Variants in HS3ST3B1 observed in about 807,000 individuals in gnomAD.
The protein encoded by HS3ST3B1 is heparan sulfate glucosamine 3-O-sulfotransferase 3B1.
In HS3ST3B1, 13 loss-of-function variants were observed where a neutral mutation model predicts 21.3. The ratio of observed to expected loss-of-function variants is 0.61; its 90% CI spans 0.40 to 0.97. HS3ST3B1 has a LOEUF of 0.97. HS3ST3B1 is among the 50% of genes least tolerant of loss of function. The probability of loss-of-function intolerance (pLI) is 0.00; values close to 1 mark genes in which losing one functional copy is unlikely to be tolerated. For missense variants in HS3ST3B1, 459 were observed against 554.8 expected (o/e 0.83, Z 1.73); for synonymous variants, 234 against 254.8 (o/e 0.92, Z 0.78).
At chr17:14,322,880 C>T (rs542928323) in intron 1 of HS3ST3B1, among the ~76,000 whole-genome samples, 3 of 144,732 alleles carry the variant, frequency 2.1e-5, no homozygotes, top group South Asian at 2.2e-4. Flanking sequence ...AGTTGAGAAG[C>T]GAGATTTGTG....
Position 14,346,583 on chromosome 17 carries a change from T to C in HS3ST3B1, c.*937T>C, listed in dbSNP as rs8078587. 107,691 of 152,196 alleles carry C rather than the reference T, an allele frequency of 0.71. 38,480 individuals are homozygous for C. Among genetic ancestry groups the C allele is most frequent in the East Asian group, 0.91 (4,709 of 5,162 alleles). 9.4% of individuals were successfully genotyped at this position (152,196 alleles called of 1,614,324 possible). A position where few individuals can be genotyped will look rare whatever the true frequency, so the allele number is the denominator to read the frequency against. On this transcript the variant is annotated 3_prime_UTR_variant, in exon 2 of 2. Transcript: ENST00000360954. The stretch of plus-strand genomic sequence containing the variant: ...CTTCTAGAGTCAGAATGGTAGGGTC[T>C]GTTGACTTCAGCTTTTGATTTTGCA...
At position 14,313,108 on chromosome 17, in the gene HS3ST3B1, G is replaced by GTGTGTA. The variant is rs770879344; in HGVS notation, c.554+11037_554+11038insGTGTAT. ...GTGTGTGTGTGGTGTGTGTGTGTGTGTATATATATATATATGTGTGTGTGT... is the reference window on the plus strand; with the variant it reads ...GTGTGTGTGTGGTGTGTGTGTGTGTGTGTGTATATATATATATATATGTGTGTGTGT... On this transcript the variant is annotated intron_variant, in intron 1 of 1. Coordinates refer to ENST00000360954, the MANE Select transcript of HS3ST3B1 (RefSeq NM_006041.3). Among the ~76,000 whole-genome samples, 140 of 73,238 alleles carry GTGTGTA rather than the reference G, an allele frequency of 1.9e-3. 1 individual carries two copies. The highest frequency in any genetic ancestry group is 6.6e-3 in the Middle Eastern group (1 of 152). 48.0% of individuals were successfully genotyped at this position (73,238 alleles called of 152,430 possible).
chr17:14,345,894 A>C lies in HS3ST3B1; in HGVS notation c.*248A>C. On this transcript the variant is annotated 3_prime_UTR_variant, in exon 2 of 2. Coordinates refer to ENST00000360954, the MANE Select transcript of HS3ST3B1 (RefSeq NM_006041.3). ...GTGCTTCTATTTTTTCTTCTCCCCT[A>C]CCTGTTATATTTAAAACAAAGAAAA... The C allele has an allele frequency of 2.2e-6, 1 of 464,936 alleles. No individual in the cohort carries two copies. The highest frequency in any genetic ancestry group is 3.7e-6 in the Non-Finnish European group (1 of 272,802). 28.8% of individuals were successfully genotyped at this position (464,936 alleles called of 1,614,324 possible).
intron 1 of HS3ST3B1, among the ~76,000 whole-genome samples, chr17:14,339,836 G>A (rs1910315583): frequency 6.6e-6 from 1 of 152,184 alleles, no homozygotes; most frequent in South Asian, 2.1e-4. Context: ...TTCCATGTGA[G>A]GGGGTCTTAC....
At position 14,347,357 on chromosome 17, in the gene HS3ST3B1, G is replaced by A. The variant is rs978872344; in HGVS notation, c.*1711G>A. 2.0e-5 allele frequency: 3 copies of A among 152,174 alleles called. No individual in the cohort carries two copies. Among genetic ancestry groups the A allele is most frequent in the African/African-American group, 7.2e-5 (3 of 41,438 alleles). 9.4% of individuals were successfully genotyped at this position (152,174 alleles called of 1,614,324 possible). ...TGAGTAGCCATATAGTAATACAGGG[G>A]CAGTTGGTTAAACATATAGCAATAT... is the stretch of plus-strand genomic sequence containing the variant. On this transcript the variant is annotated 3_prime_UTR_variant, in exon 2 of 2. Transcript: ENST00000360954.
At chr17:14,334,154 A>G (rs1205931926) in intron 1 of HS3ST3B1, among the ~76,000 whole-genome samples, 1 of 152,228 alleles carries the variant, frequency 6.6e-6, no homozygotes, top group Non-Finnish European at 1.5e-5. Flanking sequence ...CTAAAATGGG[A>G]CATTGCAGAG....
chr17:14,341,879 G>T (rs35539884), intron 1 of HS3ST3B1, among the ~76,000 whole-genome samples: 2 of 152,170 alleles, frequency 1.3e-5, no homozygotes, highest in Admixed American at 6.5e-5. Context: ...TGCAAAATAA[G>T]TTGCGAGCCG....
At chr17:14,325,727 T>A (rs1909790504) in intron 1 of HS3ST3B1, among the ~76,000 whole-genome samples, 1 of 152,198 alleles carries the variant, frequency 6.6e-6, no homozygotes, top group South Asian at 2.1e-4. Flanking sequence ...TCGCGGAGTT[T>A]ATAATCAGCT....
At position 14,331,496 on chromosome 17, in the gene HS3ST3B1, C is replaced by A. The variant is rs79241539; in HGVS notation, c.555-13532C>A. On this transcript the variant is annotated intron_variant, in intron 1 of 1. Transcript: ENST00000360954. ...TATTGAAATTCTAGGACAATGGAGG[C>A]CAAATCCTTGTGGTGGGGGTTGGGG... Among the ~76,000 whole-genome samples the A allele has an allele frequency of 8.4e-3, 1,275 of 152,158 alleles. 28 individuals carry two copies. Among genetic ancestry groups the A allele is most frequent in the African/African-American group, 0.028 (1,180 of 41,504 alleles).
In HS3ST3B1 at chr17:14,349,154, C is replaced by G. The variant is rs1910655656; in HGVS notation, c.*3508C>G. On this transcript the variant is annotated 3_prime_UTR_variant, in exon 2 of 2. Coordinates refer to ENST00000360954, the MANE Select transcript of HS3ST3B1 (RefSeq NM_006041.3). ...TTAAAGGTGTGGTTAGATGTTTTCT[C>G]ACTTTTGTGACATTAATTTATCACT... 1 of 152,184 alleles carries G rather than the reference C, an allele frequency of 6.6e-6. No homozygotes were observed. The highest frequency in any genetic ancestry group is 6.5e-5 in the Admixed American group (1 of 15,278). The allele number at this position is 152,184 out of a possible 1,614,324, so 9.4% of individuals were successfully genotyped here.
chr17:14,309,350 C>T lies in HS3ST3B1; in HGVS notation c.554+7278C>T, dbSNP rs567607642. 2.8e-4 allele frequency among the ~76,000 whole-genome samples: 43 copies of T among 152,320 alleles called. No homozygotes were observed. In the East Asian group the frequency reaches 7.9e-3, roughly 28 times the overall value. ...TGGGGCCGCCTCCCCCGCCCCTAGG[C>T]TGGCCGGGTAGTCCTCCGTGGCCAC... is the stretch of plus-strand genomic sequence containing the variant. On this transcript the variant is annotated intron_variant, in intron 1 of 1. Coordinates refer to ENST00000360954, the MANE Select transcript of HS3ST3B1 (RefSeq NM_006041.3).
At chr17:14,341,074 G>A (rs16949387) in intron 1 of HS3ST3B1, among the ~76,000 whole-genome samples, 9,167 of 152,186 alleles carry the variant, frequency 0.06, 337 homozygotes, top group East Asian at 0.14. Context: ...ACCAGCAGGC[G>A]GTCGAGCACA....
intron 1 of HS3ST3B1, among the ~76,000 whole-genome samples, chr17:14,332,549 G>A (rs1166644685): frequency 6.6e-6 from 1 of 152,096 alleles, no homozygotes; most frequent in Non-Finnish European, 1.5e-5. Context: ...ACCTGAGTAG[G>A]TGGAATGGAA....
intron 1 of HS3ST3B1, among the ~76,000 whole-genome samples, chr17:14,324,876 G>A (rs913831373): frequency 6.6e-6 from 1 of 152,148 alleles, no homozygotes; most frequent in Non-Finnish European, 1.5e-5. Context: ...GGCCTTCCAA[G>A]GTGCCAGAAT....
intron 1 of HS3ST3B1, among the ~76,000 whole-genome samples, chr17:14,310,377 A>C (rs966382101): frequency 6.6e-6 from 1 of 152,100 alleles, no homozygotes; most frequent in Non-Finnish European, 1.5e-5. Flanking sequence ...AGTGCTGCCC[A>C]AGGTGGACTC....
At chr17:14,333,354 C>A (rs1910080625) in intron 1 of HS3ST3B1, among the ~76,000 whole-genome samples, 1 of 151,856 alleles carries the variant, frequency 6.6e-6, no homozygotes, top group African/African-American at 2.4e-5. Context: ...GTAGTCTCAG[C>A]TACTCGGGAG....
At position 14,301,729 on chromosome 17, in the gene HS3ST3B1, G is replaced by A; in HGVS notation, c.211G>A (p.Ala71Thr). The A allele has an allele frequency of 1.3e-6, 2 of 1,599,666 alleles. No individual in the cohort carries two copies. Among genetic ancestry groups the A allele is most frequent in the Non-Finnish European group, 1.7e-6 (2 of 1,175,144 alleles). The change falls in exon 1 of 2, where the codon GCA (alanine) becomes ACA (threonine). Residue 71 changes from alanine (A) to threonine (T), a missense_variant. Physicochemically the swap from Ala to Thr is moderately conservative, Grantham distance 58. Transcript: ENST00000360954. ...LLLLGSGSRA[A>T]HDPPALATAP... ...GCTCCTGGGCTCTGGGTCCCGCGCC[G>A]CACACGACCCGCCAGCCCTGGCCAC...
chr17:14,303,908 A>T lies in HS3ST3B1; in HGVS notation c.554+1836A>T, dbSNP rs1254828613. ...GGAGGAACTGGCAGGAAAAGGACTG[A>T]ACCCTTAATGTCAGGCGGTTTTGAA... On this transcript the variant is annotated intron_variant, in intron 1 of 1. Transcript: ENST00000360954. This position sits in a 1 kb window ranked among gnomAD's most constrained non-coding sequence, Gnocchi z 5.7. 1.3e-5 allele frequency: 2 copies of T among 152,264 alleles called. No individual in the cohort carries two copies. Among genetic ancestry groups the T allele is most frequent in the Non-Finnish European group, 2.9e-5 (2 of 68,118 alleles). The allele number at this position is 152,264 out of a possible 1,614,324, so 9.4% of individuals were successfully genotyped here.
At chr17:14,320,485 G>A (rs952393115) in intron 1 of HS3ST3B1, among the ~76,000 whole-genome samples, 6 of 152,180 alleles carry the variant, frequency 3.9e-5, no homozygotes, top group Non-Finnish European at 5.9e-5. Flanking sequence ...GAGGATGTTT[G>A]TAAGTAAGCC....
Sources: gnomAD v4.1 joint callset for allele counts (sites outside exome capture counted in the v4.1 genomes callset) on GRCh38, gnomAD v4.1.1 for gene constraint, Gnocchi (gnomAD v3.1) non-coding constraint, MANE v1.5 for transcripts, NCBI Gene and HGNC (gene_info 2026-07-23, HGNC 2026-07-21) for gene names.